The following ADGRB3 variants were observed in gnomAD, a reference collection of about 807,000 sequenced individuals.
ADGRB3 encodes brain-specific angiogenesis inhibitor 3.
Under a neutral mutation model 193.4 loss-of-function variants are expected in ADGRB3, and 37 were observed. That is an observed-to-expected ratio of 0.19 (90% CI 0.15 to 0.25). The LOEUF is 0.25. ADGRB3 is among the 10% of genes least tolerant of loss of function. The pLI, the probability that ADGRB3 is intolerant of heterozygous loss-of-function variation, is 1.00. For missense variants in ADGRB3, 1,637 were observed against 1,852.9 expected, an observed-to-expected ratio of 0.88 and a Z score of 2.14; for synonymous variants, 690 against 644.2, an observed-to-expected ratio of 1.07 and a Z score of -1.08.
chr6:69,166,429 A>G (rs867819010), intron 17 of ADGRB3, among the ~76,000 whole-genome samples: 111 of 152,288 alleles, frequency 7.3e-4, no homozygotes, highest in African/African-American at 2.6e-3. Context: ...AAGAATCATC[A>G]GTCTCTAGAA....
intron 15 of ADGRB3, among the ~76,000 whole-genome samples, chr6:69,055,807 GT>G (rs146027329): frequency 2.0e-3 from 299 of 150,170 alleles, no homozygotes; most frequent in Non-Finnish European, 3.6e-3. Context: ...TTTTGTTTTT[GT>G]TTTTTTTTGT....
At position 68,731,734 on chromosome 6, in the gene ADGRB3, T is replaced by A. The variant is rs1456264289; in HGVS notation, c.757+92302T>A. On this transcript the variant is annotated intron_variant, in intron 3 of 31. Coordinates refer to ENST00000370598, the MANE Select transcript of ADGRB3 (RefSeq NM_001704.3). Reference sequence around the variant, plus strand: ...AAATCATATAATCTTAGTCACTGTTTTAGTGTAAGATTATATTTCACTCCA... The same window carrying A: ...AAATCATATAATCTTAGTCACTGTTATAGTGTAAGATTATATTTCACTCCA... 2.0e-5 allele frequency among the ~76,000 whole-genome samples: 3 copies of A among 151,586 alleles called. No individual in the cohort carries two copies. The East Asian group carries it at 5.8e-4, about 29-fold the overall frequency.
intron 6 of ADGRB3, among the ~76,000 whole-genome samples, chr6:68,946,696 C>T (rs561865993): frequency 6.6e-6 from 1 of 152,228 alleles, no homozygotes; most frequent in East Asian, 1.9e-4. Flanking sequence ...TCTCCCACTA[C>T]TCACTACTTT....
chr6:69,370,031 T>C lies in ADGRB3; in HGVS notation c.4240-2375T>C, dbSNP rs80056278. Among the ~76,000 whole-genome samples, 12 of 152,142 alleles carry C rather than the reference T, an allele frequency of 7.9e-5. No individual in the cohort carries two copies. In the East Asian group the frequency reaches 2.1e-3, roughly 27 times the overall value. ...AGGCATTTTTACTGTAACATATCAC[T>C]CCTGTATTACTGAGAAGACAGCAAG... On this transcript the variant is annotated intron_variant, in intron 29 of 31. Transcript: ENST00000370598.
Position 69,135,288 on chromosome 6 carries a change from C to CT in ADGRB3, c.2480+59263dup, listed in dbSNP as rs34164707. ...TACTATTCAGCAAAAATCACAACTA[C>CT]TTTTTTTTTTTTTAGTGGAGATTTT... On this transcript the variant is annotated intron_variant, in intron 17 of 31. Transcript: ENST00000370598. Among the ~76,000 whole-genome samples the CT allele has an allele frequency of 3.2e-4, 47 of 148,214 alleles. No individual in the cohort carries two copies. In the South Asian group the frequency reaches 3.6e-3, roughly 11 times the overall value.
intron 11 of ADGRB3, among the ~76,000 whole-genome samples, chr6:69,002,164 T>C (rs1012124582): frequency 6.6e-6 from 1 of 152,050 alleles, no homozygotes; most frequent in African/African-American, 2.4e-5. Flanking sequence ...AGGTAGGTGA[T>C]CAAGGAATTA....
At chr6:69,338,810 A>T in intron 24 of ADGRB3, 106 bp from the exon 25 acceptor site, 2 of 883,888 alleles carry the variant, frequency 2.3e-6, no homozygotes, top group Non-Finnish European at 3.7e-6. Context: ...TGATAAATAT[A>T]CTTTTCTGCA....
intron 3 of ADGRB3, among the ~76,000 whole-genome samples, chr6:68,639,786 G>A (rs535996037): frequency 3.7e-4 from 57 of 152,186 alleles, no homozygotes; most frequent in Admixed American, 1.4e-3. Context: ...CGCCCCACAT[G>A]TGAAGTGGAT....
At chr6:69,203,451 G>GTT (rs5877199) in intron 17 of ADGRB3, among the ~76,000 whole-genome samples, 174 of 146,904 alleles carry the variant, frequency 1.2e-3, no homozygotes, top group African/African-American at 3.9e-3. Flanking sequence ...CATTGTTTTT[G>GTT]TTTTTTTTTT....
At chr6:69,345,783 G>C (rs907489974) in intron 26 of ADGRB3, among the ~76,000 whole-genome samples, 4 of 152,056 alleles carry the variant, frequency 2.6e-5, no homozygotes, top group African/African-American at 4.8e-5. Flanking sequence ...AGAAATAAAG[G>C]GTATTCAAAC....
At position 69,239,211 on chromosome 6, in the gene ADGRB3, T is replaced by G. The variant is rs949638933; in HGVS notation, c.2799T>G (p.Thr933=). Reference sequence around the variant, plus strand: ...ATATCCTCATACTGGTTGGACAGACTCAGACACATAATAAGGTATGACTGG... The same window carrying G: ...ATATCCTCATACTGGTTGGACAGACGCAGACACATAATAAGGTATGACTGG... The part of the protein sequence containing the change: ...SSNILILVGQ[T]QTHNKSICTT... The change falls in exon 20 of 32, where the codon ACT becomes ACG. Residue 933 remains threonine, a synonymous_variant. Coordinates refer to ENST00000370598, the MANE Select transcript of ADGRB3 (RefSeq NM_001704.3). The G allele has an allele frequency of 6.4e-7, 1 of 1,568,858 alleles. No homozygotes were observed.
At chr6:69,030,622 G>C (rs184382660) in intron 13 of ADGRB3, among the ~76,000 whole-genome samples, 5 of 152,154 alleles carry the variant, frequency 3.3e-5, no homozygotes, top group Non-Finnish European at 5.9e-5. Context: ...TCAGGGGAGT[G>C]GGGGGCTAGG....
At chr6:69,310,120 TA>T (rs1313814606) in intron 20 of ADGRB3, among the ~76,000 whole-genome samples, 6 of 151,782 alleles carry the variant, frequency 4.0e-5, no homozygotes, top group Non-Finnish European at 8.8e-5. Context: ...AATAAAACAC[TA>T]TACTTAAAAT....
chr6:68,839,911 C>G (rs1168998257), intron 3 of ADGRB3, among the ~76,000 whole-genome samples: 1 of 152,068 alleles, frequency 6.6e-6, no homozygotes, highest in Non-Finnish European at 1.5e-5. Context: ...AGGGAGAGCA[C>G]AGTGATTGTG....
intron 15 of ADGRB3, among the ~76,000 whole-genome samples, chr6:69,050,290 C>T (rs1330042507): frequency 2.6e-5 from 4 of 152,116 alleles, no homozygotes; most frequent in African/African-American, 4.8e-5. Flanking sequence ...AATCTTTCTA[C>T]GTGAAGCACG....
chr6:68,966,403 A>G (rs1007887177), intron 8 of ADGRB3, among the ~76,000 whole-genome samples: 1 of 152,016 alleles, frequency 6.6e-6, no homozygotes, highest in Non-Finnish European at 1.5e-5. Context: ...TGCTTACCTC[A>G]TCATATATTA....
intron 20 of ADGRB3, among the ~76,000 whole-genome samples, chr6:69,320,165 A>C (rs1317593330): frequency 6.6e-6 from 1 of 151,424 alleles, no homozygotes; most frequent in African/African-American, 2.4e-5. Flanking sequence ...ACATCTTAAA[A>C]AAGAGGTTTA....
intron 3 of ADGRB3, among the ~76,000 whole-genome samples, chr6:68,902,345 C>A (rs1766419020): frequency 6.6e-6 from 1 of 151,352 alleles, no homozygotes; most frequent in Non-Finnish European, 1.5e-5. Context: ...ATTTTTTTTT[C>A]TGCTTAGGGA....
In ADGRB3 at chr6:68,830,996, C is replaced by T. The variant is rs79496594; in HGVS notation, c.758-99563C>T. ...GAATGCTGAAAACAAATGGGTATAA[C>T]GTGATCTAACCTACATTTAATGCTG... On this transcript the variant is annotated intron_variant, in intron 3 of 31. Coordinates refer to ENST00000370598, the MANE Select transcript of ADGRB3 (RefSeq NM_001704.3). Among the ~76,000 whole-genome samples the T allele has an allele frequency of 6.6e-3, 976 of 148,734 alleles. 13 individuals are homozygous for T. The highest frequency in any genetic ancestry group is 0.022 in the African/African-American group (913 of 40,616).
Sources: allele counts gnomAD v4.1 joint callset (sites outside exome capture counted in the v4.1 genomes callset), GRCh38; gene constraint gnomAD v4.1.1; transcripts MANE v1.5; gene names NCBI Gene and HGNC (gene_info 2026-07-23, HGNC 2026-07-21).